BRWD1: variants seen among roughly 807,000 people sequenced by gnomAD.
BRWD1 encodes bromodomain and WD repeat domain containing 1.
Under a neutral mutation model 251.2 loss-of-function variants are expected in BRWD1, and 82 were observed. That is an observed-to-expected ratio of 0.33 (90% CI 0.27 to 0.39). The LOEUF (loss-of-function observed/expected upper bound fraction) is 0.39, where lower values mean the gene tolerates loss of function less well. Ranked by LOEUF, BRWD1 falls within the 10% of genes least tolerant of loss-of-function variation. The probability of loss-of-function intolerance (pLI) is 1.00; values close to 1 mark genes in which losing one functional copy is unlikely to be tolerated. For missense variants in BRWD1, 2,233 were observed against 2,711.6 expected, an observed-to-expected ratio of 0.82 and a Z score of 3.92; for synonymous variants, 918 against 902.8, an observed-to-expected ratio of 1.02 and a Z score of -0.30.
chr21:39,218,779 G>T, intron 29 of BRWD1, 119 bp from the exon 30 acceptor site: 1 of 764,162 alleles, frequency 1.3e-6, no homozygotes, highest in Non-Finnish European at 1.9e-6. Context: ...GTCAAAAATA[G>T]AGTTCAAATG....
intron 36 of BRWD1, among the ~76,000 whole-genome samples, chr21:39,208,707 G>C (rs73906152): frequency 0.042 from 6,458 of 152,018 alleles, 480 homozygotes; most frequent in African/African-American, 0.15. Context: ...CTATAGGTGG[G>C]ATTACAGGCA....
intron 4 of BRWD1, among the ~76,000 whole-genome samples, chr21:39,306,624 TTA>T (rs2036296835): frequency 6.6e-6 from 1 of 152,190 alleles, no homozygotes; most frequent in African/African-American, 2.4e-5. Flanking sequence ...CAGAAGATCC[TTA>T]TATTTAGTGT....
At chr21:39,269,873 A>C in intron 15 of BRWD1, 26 bp downstream of exon 15, 1 of 1,464,758 alleles carries the variant, frequency 6.8e-7, no homozygotes, top group Middle Eastern at 1.8e-4. Context: ...TCAAGCATGT[A>C]TCAAGGTACA....
In BRWD1 at chr21:39,187,915, G is replaced by A; in HGVS notation, c.*8344C>T. The A allele has an allele frequency of 1.0e-6, 1 of 981,460 alleles. No individual in the cohort carries two copies. Among genetic ancestry groups the A allele is most frequent in the Non-Finnish European group, 1.2e-6 (1 of 826,392 alleles). The allele number at this position is 981,460 out of a possible 1,614,324, so 60.8% of individuals were successfully genotyped here. On this transcript the variant is annotated 3_prime_UTR_variant, in exon 41 of 41. Transcript: ENST00000342449. ...AGGGATCAAGGAAGGCTTCCTTTAA[G>A]GAAGCTTTTAGACGAGAGGTGAAAA...
At chr21:39,310,258 G>A (rs1300041492) in intron 4 of BRWD1, among the ~76,000 whole-genome samples, 1 of 152,228 alleles carries the variant, frequency 6.6e-6, no homozygotes, top group Non-Finnish European at 1.5e-5. Flanking sequence ...GCTCACGCCT[G>A]TAATCCCAGC....
intron 21 of BRWD1, among the ~76,000 whole-genome samples, chr21:39,241,085 ATTT>A (rs2033976995): frequency 7.2e-6 from 1 of 138,228 alleles, no homozygotes; most frequent in Non-Finnish European, 1.6e-5. Flanking sequence ...TTTTTTTTGT[ATTT>A]TTTGTAGAGA....
At chr21:39,220,153 G>A (rs1161792403) in intron 29 of BRWD1, among the ~76,000 whole-genome samples, 2 of 152,106 alleles carry the variant, frequency 1.3e-5, no homozygotes. Context: ...TGTTTTAATG[G>A]GGAGAAAGGG....
At chr21:39,313,697 G>T (rs1177430806), upstream of BRWD1, 10 of 362,730 alleles carry the variant, frequency 2.8e-5, no homozygotes, top group African/African-American at 2.3e-5. Context: ...GTCCCTCCGC[G>T]GGGGGCGGGG....
intron 8 of BRWD1, among the ~76,000 whole-genome samples, chr21:39,286,492 TAA>T (rs1438624754): frequency 1.3e-5 from 2 of 151,806 alleles, no homozygotes; most frequent in African/African-American, 2.4e-5. Context: ...TTCTGGAAAA[TAA>T]AAGTTTTTTA....
chr21:39,272,699 C>T (rs1601432893), intron 13 of BRWD1, among the ~76,000 whole-genome samples: 1 of 151,580 alleles, frequency 6.6e-6, no homozygotes, highest in South Asian at 2.1e-4. Flanking sequence ...CCTCTATCTC[C>T]TGGGTTCAAC....
chr21:39,279,581 G>A (rs889753137), intron 9 of BRWD1, among the ~76,000 whole-genome samples: 15 of 145,156 alleles, frequency 1.0e-4, no homozygotes, highest in South Asian at 2.2e-4. Flanking sequence ...AGAGGCTGCA[G>A]TGAGCCGAGA....
At chr21:39,309,756 C>T (rs1234776173) in intron 4 of BRWD1, among the ~76,000 whole-genome samples, 2 of 141,126 alleles carry the variant, frequency 1.4e-5, no homozygotes, top group Non-Finnish European at 3.0e-5. Flanking sequence ...ATCCGGGAGG[C>T]GGAGCTTGCA....
Position 39,238,466 on chromosome 21 carries a change from TA to T in BRWD1, c.2576+12del. ...TAAAATGCTTAAAAGACCACAACAA[TA>T]AAAACAGATACCTTGAACTTTCGCT... On this transcript the variant is annotated intron_variant, in intron 22 of 40. Transcript: ENST00000342449. 6.3e-7 allele frequency: 1 copy of T among 1,599,210 alleles called. No individual in the cohort carries two copies. The highest frequency in any genetic ancestry group is 8.6e-7 in the Non-Finnish European group (1 of 1,167,008).
chr21:39,233,529 G>C (rs1256532152), intron 23 of BRWD1, among the ~76,000 whole-genome samples: 1 of 152,058 alleles, frequency 6.6e-6, no homozygotes, highest in Non-Finnish European at 1.5e-5. Context: ...GGTAAACGTA[G>C]CAATAACACA....
chr21:39,314,592 C>CT, upstream of BRWD1: 3 of 348,196 alleles, frequency 8.6e-6, no homozygotes, highest in South Asian at 6.4e-5. Flanking sequence ...TCTTGCCAGG[C>CT]TTCTGACCTA....
At chr21:39,258,727 A>AT in intron 17 of BRWD1, 55 bp from the exon 18 acceptor site, 1 of 1,287,358 alleles carries the variant, frequency 7.8e-7, no homozygotes, top group South Asian at 1.9e-5. Flanking sequence ...ACAAAAAAAA[A>AT]TTTCGTTAGG....
In BRWD1 at chr21:39,187,184, G is replaced by A; in HGVS notation, c.*9075C>T. 2 of 1,613,568 alleles carry A rather than the reference G, an allele frequency of 1.2e-6. No homozygotes were observed. Among genetic ancestry groups the A allele is most frequent in the African/African-American group, 1.3e-5 (1 of 74,972 alleles). ...TTAGCCGCAGCAGAAGCATTTCGAT[G>A]GGGCAGTTTTCTGCTACTCTTCCTA... On this transcript the variant is annotated 3_prime_UTR_variant, in exon 41 of 41. Coordinates refer to ENST00000342449, the MANE Select transcript of BRWD1 (RefSeq NM_033656.4).
At chr21:39,203,605 C>T (rs1289459879) in intron 37 of BRWD1, among the ~76,000 whole-genome samples, 3 of 151,248 alleles carry the variant, frequency 2.0e-5, no homozygotes, top group Non-Finnish European at 4.4e-5. Context: ...GACAAGGTTT[C>T]ACCATGTTAG....
chr21:39,275,304 T>C (rs1336124870), intron 12 of BRWD1, among the ~76,000 whole-genome samples: 20 of 152,194 alleles, frequency 1.3e-4, no homozygotes, highest in Non-Finnish European at 2.9e-5. Flanking sequence ...TTGCAGGATA[T>C]ATCACGGTGG....
Sources: allele counts gnomAD v4.1 joint callset (sites outside exome capture counted in the v4.1 genomes callset), GRCh38; gene constraint gnomAD v4.1.1; transcripts MANE v1.5; gene names NCBI Gene and HGNC (gene_info 2026-07-23, HGNC 2026-07-21).